GPR158: variants seen among roughly 807,000 people sequenced by gnomAD.
The protein encoded by GPR158 is G protein-coupled receptor 158.
A neutral mutation model predicts 78.2 loss-of-function variants in GPR158; 30 were observed. The ratio of observed to expected loss-of-function variants is 0.38; its 90% CI spans 0.29 to 0.52. The LOEUF (loss-of-function observed/expected upper bound fraction) is 0.52. Ranked by LOEUF, GPR158 falls within the 20% of genes least tolerant of loss-of-function variation. The probability of loss-of-function intolerance (pLI) is 0.83; values close to 1 mark genes in which losing one functional copy is unlikely to be tolerated. For missense variants in GPR158, 1,463 were observed against 1,523.5 expected (o/e 0.96, Z 0.66); for synonymous variants, 581 against 591.1 (o/e 0.98, Z 0.25).
chr10:25,597,454 A>G (rs890640763), intron 10 of GPR158, among the ~76,000 whole-genome samples: 1 of 152,232 alleles, frequency 6.6e-6, no homozygotes, highest in Non-Finnish European at 1.5e-5. Flanking sequence ...TAAAGTCCAC[A>G]CTTTATGTGA....
rs1836018401 is a variant in GPR158, at chr10:25,506,748, TA to T, written c.1404+40030del. Among the ~76,000 whole-genome samples, 3 of 152,366 alleles carry T rather than the reference TA, an allele frequency of 2.0e-5. No homozygotes were observed. The South Asian group carries it at 6.2e-4, about 32-fold the overall frequency. ...CAGCCAATGTAGCATGAGTATGCAG[TA>T]CTCTGATGATAGTATGCCTTAATTC... On this transcript the variant is annotated intron_variant, in intron 5 of 10. Transcript: ENST00000376351.
chr10:25,200,494 T>G (rs1039111149), intron 1 of GPR158, among the ~76,000 whole-genome samples: 1 of 152,214 alleles, frequency 6.6e-6, no homozygotes, highest in East Asian at 1.9e-4. Context: ...TAGTTTCTTT[T>G]GCTGTGCAGA....
rs1588718902 is a variant in GPR158, at chr10:25,175,306, A to T, written c.-115A>T. The T allele has an allele frequency of 2.5e-5, 16 of 649,174 alleles. No individual in the cohort carries two copies. The East Asian group carries it at 4.4e-4, about 18-fold the overall frequency. The allele number at this position is 649,174 out of a possible 1,614,324, so 40.2% of individuals were successfully genotyped here. Reference sequence around the variant, plus strand: ...TTTCAAGTCCTTTGGACTGGGTGCCATCTGGAGAAGGGGGAAGACTCCTCG... The same window carrying T: ...TTTCAAGTCCTTTGGACTGGGTGCCTTCTGGAGAAGGGGGAAGACTCCTCG... On this transcript the variant is annotated 5_prime_UTR_variant, in exon 1 of 11. Coordinates refer to ENST00000376351, the MANE Select transcript of GPR158 (RefSeq NM_020752.3). This position sits in a 1 kb window ranked among gnomAD's most constrained non-coding sequence, Gnocchi z 6.4.
chr10:25,245,088 T>C (rs1266200407), intron 2 of GPR158, among the ~76,000 whole-genome samples: 4 of 152,218 alleles, frequency 2.6e-5, no homozygotes, highest in East Asian at 3.9e-4. Flanking sequence ...AGTTGGACTT[T>C]CTCTCAACTA....
chr10:25,376,658 A>G (rs1158925744), intron 2 of GPR158, among the ~76,000 whole-genome samples: 1 of 151,676 alleles, frequency 6.6e-6, no homozygotes, highest in Admixed American at 6.6e-5. Flanking sequence ...AACACTTCTT[A>G]GTACTTCTGA....
chr10:25,183,795 T>C (rs1852645467), intron 1 of GPR158, among the ~76,000 whole-genome samples: 1 of 152,246 alleles, frequency 6.6e-6, no homozygotes, highest in African/African-American at 2.4e-5. Flanking sequence ...ATGTCTTTTG[T>C]CCAATGTGTA....
At chr10:25,527,743 G>C (rs1478694515) in intron 5 of GPR158, among the ~76,000 whole-genome samples, 1 of 151,894 alleles carries the variant, frequency 6.6e-6, no homozygotes, top group Non-Finnish European at 1.5e-5. Context: ...ACATATAATA[G>C]AGAAACCCAA....
chr10:25,225,872 A>T (rs1853365906), intron 2 of GPR158, among the ~76,000 whole-genome samples: 1 of 152,188 alleles, frequency 6.6e-6, no homozygotes, highest in Admixed American at 6.5e-5. Flanking sequence ...TAAAAAGGTA[A>T]GAAAACATAT....
chr10:25,206,924 G>C (rs771794382), intron 1 of GPR158, among the ~76,000 whole-genome samples: 1 of 150,652 alleles, frequency 6.6e-6, no homozygotes, highest in Non-Finnish European at 1.5e-5. Flanking sequence ...TCCTAGATCA[G>C]AGAGAAAGGA....
At chr10:25,385,972 C>A (rs1400967178) in intron 2 of GPR158, among the ~76,000 whole-genome samples, 1 of 152,012 alleles carries the variant, frequency 6.6e-6, no homozygotes, top group East Asian at 1.9e-4. Context: ...TTGATGTAGT[C>A]CCATTTGTCT....
At chr10:25,474,589 G>A (rs1305033862) in intron 5 of GPR158, among the ~76,000 whole-genome samples, 2 of 152,090 alleles carry the variant, frequency 1.3e-5, no homozygotes, top group Non-Finnish European at 2.9e-5. Context: ...GTTTCAATTT[G>A]TAATTACGCA....
intron 8 of GPR158, among the ~76,000 whole-genome samples, chr10:25,591,028 G>A (rs1453519846): frequency 6.6e-6 from 1 of 151,950 alleles, no homozygotes; most frequent in East Asian, 1.9e-4. Context: ...GTTTAATAAG[G>A]CAATAGATGG....
At chr10:25,256,489 A>G (rs908479939) in intron 2 of GPR158, among the ~76,000 whole-genome samples, 1 of 152,018 alleles carries the variant, frequency 6.6e-6, no homozygotes, top group Non-Finnish European at 1.5e-5. Context: ...CTGTCTCTAC[A>G]ATCTACAATT....
At chr10:25,315,956 T>C (rs951787892) in intron 2 of GPR158, among the ~76,000 whole-genome samples, 2 of 152,154 alleles carry the variant, frequency 1.3e-5, no homozygotes, top group Non-Finnish European at 2.9e-5. Context: ...CTTTCATGTT[T>C]AAAACTGTTT....
In GPR158 at chr10:25,175,857, G is replaced by C. The variant is rs747874571; in HGVS notation, c.437G>C (p.Arg146Pro). 1.4e-5 allele frequency: 23 copies of C among 1,613,804 alleles called. No homozygotes were observed. Among genetic ancestry groups the C allele is most frequent in the Non-Finnish European group, 1.9e-5 (23 of 1,179,996 alleles). Residue 146 changes from arginine to proline, a missense_variant, in exon 1 of 11, where the codon CGG becomes CCG. Coordinates refer to ENST00000376351, the MANE Select transcript of GPR158 (RefSeq NM_020752.3). This position sits in a 1 kb window ranked among gnomAD's most constrained non-coding sequence, Gnocchi z 6.4. ...GTGATGCTGCAGAGCAATAAGTCGCGGGAGCAGAACTTGCAGGACGACCTG... is the reference window on the plus strand; with the variant it reads ...GTGATGCTGCAGAGCAATAAGTCGCCGGAGCAGAACTTGCAGGACGACCTG... ...LNVMLQSNKS[R>P]EQNLQDDLDW... is the part of the protein sequence containing the mutation.
intron 5 of GPR158, among the ~76,000 whole-genome samples, chr10:25,469,494 A>G (rs572224139): frequency 2.6e-5 from 4 of 152,240 alleles, no homozygotes; most frequent in African/African-American, 9.6e-5. Flanking sequence ...TTTAAAATAC[A>G]GCAAGAATCG....
intron 5 of GPR158, among the ~76,000 whole-genome samples, chr10:25,501,290 G>A (rs1449183921): frequency 1.3e-5 from 2 of 152,158 alleles, no homozygotes; most frequent in Non-Finnish European, 1.5e-5. Context: ...CCTTCTACTC[G>A]CTCATCCTTC....
At chr10:25,213,020 TC>T (rs1485287994) in intron 1 of GPR158, among the ~76,000 whole-genome samples, 2 of 152,204 alleles carry the variant, frequency 1.3e-5, no homozygotes, top group East Asian at 3.8e-4. Context: ...TGCTTTTTGT[TC>T]TTTGATCTGG....
At chr10:25,449,556 C>G (rs936840689) in intron 4 of GPR158, among the ~76,000 whole-genome samples, 2 of 152,160 alleles carry the variant, frequency 1.3e-5, no homozygotes, top group African/African-American at 4.8e-5. Context: ...TCAGAAAAGA[C>G]TTTCCTAGGA....
Sources: allele counts gnomAD v4.1 joint callset (sites outside exome capture counted in the v4.1 genomes callset), GRCh38; gene constraint gnomAD v4.1.1; non-coding constraint Gnocchi (gnomAD v3.1); transcripts MANE v1.5; gene names NCBI Gene and HGNC (gene_info 2026-07-23, HGNC 2026-07-21).